The following TC2N variants were observed in gnomAD, a reference collection of about 807,000 sequenced individuals.
TC2N encodes tandem C2 domains nuclear protein.
A neutral mutation model predicts 61.9 loss-of-function variants in TC2N; 51 were observed. That is an observed-to-expected ratio of 0.82 (90% CI 0.66 to 1.04). The LOEUF is 1.04. TC2N is among the 50% of genes least tolerant of loss of function. The probability of loss-of-function intolerance (pLI) is 0.00; values close to 1 mark genes in which losing one functional copy is unlikely to be tolerated. For synonymous variants in TC2N, 204 were observed against 192.6 expected, an observed-to-expected ratio of 1.06 and a Z score of -0.49; for missense variants, 556 against 566.7, an observed-to-expected ratio of 0.98 and a Z score of 0.19.
At chr14:91,831,789 A>C (rs1887781073) in intron 1 of TC2N, among the ~76,000 whole-genome samples, 1 of 152,188 alleles carries the variant, frequency 6.6e-6, no homozygotes, top group Admixed American at 6.5e-5. Flanking sequence ...TTTTAGAATC[A>C]CAGTAAAATT....
intron 8 of TC2N, among the ~76,000 whole-genome samples, chr14:91,796,130 T>C (rs146405897): frequency 2.0e-5 from 3 of 152,138 alleles, no homozygotes; most frequent in South Asian, 2.1e-4. Flanking sequence ...AAAAGTAAAA[T>C]TGTTTAATTC....
chr14:91,852,932 G>A (rs565529408), intron 1 of TC2N, among the ~76,000 whole-genome samples: 9 of 152,046 alleles, frequency 5.9e-5, no homozygotes, highest in Non-Finnish European at 1.2e-4. Flanking sequence ...TTAGCCAGGC[G>A]TGGTGGTGGG....
At chr14:91,787,092 C>T (rs1366620981) in intron 10 of TC2N, among the ~76,000 whole-genome samples, 2 of 152,072 alleles carry the variant, frequency 1.3e-5, no homozygotes, top group African/African-American at 4.8e-5. Flanking sequence ...TGGTTGTAGA[C>T]AAAACACAGG....
chr14:91,832,557 A>G (rs1260961592), intron 1 of TC2N, among the ~76,000 whole-genome samples: 1 of 152,202 alleles, frequency 6.6e-6, no homozygotes, highest in Non-Finnish European at 1.5e-5. Context: ...CGATTGTCTA[A>G]AAGAAAAAAA....
At chr14:91,812,602 C>G (rs1297688396) in intron 2 of TC2N, 57 bp from the exon 3 acceptor site, 3 of 816,502 alleles carry the variant, frequency 3.7e-6, no homozygotes, top group Non-Finnish European at 5.9e-6. Flanking sequence ...ATATAATAAT[C>G]TAAACCTAGC....
chr14:91,844,471 AC>A (rs1323901104), intron 1 of TC2N, among the ~76,000 whole-genome samples: 1 of 152,112 alleles, frequency 6.6e-6, no homozygotes. Context: ...TTCCATCAAA[AC>A]CATCTTATGG....
intron 1 of TC2N, among the ~76,000 whole-genome samples, chr14:91,823,242 C>A (rs930880110): frequency 2.6e-5 from 4 of 151,876 alleles, no homozygotes; most frequent in Middle Eastern, 3.2e-3. Context: ...TATCAGGGGC[C>A]AGGCATGGTG....
chr14:91,812,669 T>C, intron 2 of TC2N, 124 bp from the exon 3 acceptor site: 1 of 553,690 alleles, frequency 1.8e-6, no homozygotes, highest in Non-Finnish European at 3.2e-6. Flanking sequence ...TAAACTACTC[T>C]TGGGTCTTAC....
At chr14:91,810,028 T>C (rs1160377061) in intron 3 of TC2N, among the ~76,000 whole-genome samples, 1 of 152,178 alleles carries the variant, frequency 6.6e-6, no homozygotes, top group Admixed American at 6.5e-5. Flanking sequence ...TTTTGTAGTG[T>C]GTACAGGAAG....
At chr14:91,854,159 C>G (rs1213670056) in intron 1 of TC2N, among the ~76,000 whole-genome samples, 1 of 152,012 alleles carries the variant, frequency 6.6e-6, no homozygotes, top group Non-Finnish European at 1.5e-5. Flanking sequence ...CAGCTTCTGA[C>G]CACTCTAAGA....
intron 1 of TC2N, among the ~76,000 whole-genome samples, chr14:91,841,311 C>T (rs935420146): frequency 3.9e-5 from 6 of 152,184 alleles, no homozygotes; most frequent in Non-Finnish European, 8.8e-5. Context: ...ATGACTCAAA[C>T]CTGAAGCAAA....
intron 1 of TC2N, among the ~76,000 whole-genome samples, chr14:91,823,826 T>A (rs1887372438): frequency 6.6e-6 from 1 of 152,188 alleles, no homozygotes; most frequent in South Asian, 2.1e-4. Flanking sequence ...CTTTCACTTA[T>A]TAGCTATATG....
intron 1 of TC2N, among the ~76,000 whole-genome samples, chr14:91,829,855 A>G (rs1887672019): frequency 1.3e-5 from 2 of 152,222 alleles, no homozygotes; most frequent in South Asian, 2.1e-4. Flanking sequence ...ACCATTTTCA[A>G]TTCATGCGTT....
intron 1 of TC2N, among the ~76,000 whole-genome samples, chr14:91,817,321 C>T (rs564980424): frequency 6.6e-6 from 1 of 151,660 alleles, no homozygotes; most frequent in Admixed American, 6.6e-5. Context: ...AAAATGTATG[C>T]GTTTTCAAAG....
chr14:91,866,194 A>T lies in TC2N; in HGVS notation c.-57+1068T>A, dbSNP rs934213177. 8 of 152,208 alleles carry T rather than the reference A, an allele frequency of 5.3e-5. No individual in the cohort carries two copies. The East Asian group carries it at 1.5e-3, about 29-fold the overall frequency. 9.4% of individuals were successfully genotyped at this position (152,208 alleles called of 1,614,324 possible). A position where few individuals can be genotyped will look rare whatever the true frequency, so the allele number is the denominator to read the frequency against. ...GGCTCAGAATGAACAACTTGGGCAC[A>T]TTACAGTAACCACCCAGGCCACAAA... On this transcript the variant is annotated intron_variant, in intron 1 of 11. Coordinates refer to ENST00000435962, the MANE Select transcript of TC2N (RefSeq NM_001128596.3).
At chr14:91,845,063 C>T (rs1888242999) in intron 1 of TC2N, among the ~76,000 whole-genome samples, 1 of 151,728 alleles carries the variant, frequency 6.6e-6, no homozygotes, top group Non-Finnish European at 1.5e-5. Context: ...ATGGCGAAAC[C>T]CCGTCTCCAC....
rs755502945 is a variant in TC2N at position 91,792,547 on chromosome 14, A to G, written c.867T>C (p.Phe289=). ...SAKEGSNAIE[F]METFVFAIKL... Reference sequence around the variant, plus strand: ...TAATAGCAAATACAAACGTTTCCATAAATTCAATAGCCTTAAAAAAAAAAC... The same window carrying G: ...TAATAGCAAATACAAACGTTTCCATGAATTCAATAGCCTTAAAAAAAAAAC... Residue 289 remains phenylalanine, a synonymous_variant, in exon 9 of 12, where the codon TTT becomes TTC. Coordinates refer to ENST00000435962, the MANE Select transcript of TC2N (RefSeq NM_001128596.3). The G allele has an allele frequency of 7.8e-6, 12 of 1,538,900 alleles. No individual in the cohort carries two copies. In the African/African-American group the frequency reaches 1.5e-4, roughly 19 times the overall value.
intron 1 of TC2N, among the ~76,000 whole-genome samples, chr14:91,841,226 G>T (rs529507827): frequency 1.7e-3 from 252 of 152,228 alleles, no homozygotes; most frequent in Middle Eastern, 6.8e-3. Context: ...AAGAACAAAG[G>T]CTCCCAGACT....
intron 1 of TC2N, among the ~76,000 whole-genome samples, chr14:91,818,187 C>T (rs1017548142): frequency 1.3e-5 from 2 of 152,026 alleles, no homozygotes; most frequent in African/African-American, 2.4e-5. Context: ...GCATAACAGA[C>T]TACTGTAGAA....
Sources: allele counts gnomAD v4.1 joint callset (sites outside exome capture counted in the v4.1 genomes callset), GRCh38; gene constraint gnomAD v4.1.1; transcripts MANE v1.5; gene names NCBI Gene and HGNC (gene_info 2026-07-23, HGNC 2026-07-21).